BICD2: variants seen among roughly 807,000 people sequenced by gnomAD.
BICD2 encodes the protein protein bicaudal D homolog 2.
A neutral mutation model predicts 72.9 loss-of-function variants in BICD2; 25 were observed. That is an observed-to-expected ratio of 0.34 (90% CI 0.25 to 0.48). BICD2 has a LOEUF of 0.48. Ranked by LOEUF, BICD2 falls within the 20% of genes least tolerant of loss-of-function variation. BICD2 has a pLI of 0.99. For synonymous variants in BICD2, 501 were observed against 516.1 expected, an observed-to-expected ratio of 0.97 and a Z score of 0.40; for missense variants, 894 against 1,175.2, an observed-to-expected ratio of 0.76 and a Z score of 3.50.
intron 1 of BICD2, among the ~76,000 whole-genome samples, chr9:92,750,329 C>T (rs949117388): frequency 1.3e-5 from 2 of 152,134 alleles, no homozygotes; most frequent in Non-Finnish European, 2.9e-5. Context: ...ATTACCTGCA[C>T]TAGAACTTGT....
At chr9:92,758,696 C>CA (rs896670027) in intron 1 of BICD2, among the ~76,000 whole-genome samples, 6 of 150,256 alleles carry the variant, frequency 4.0e-5, no homozygotes, top group African/African-American at 7.4e-5. Context: ...ACTAAAAATA[C>CA]AAAAAAAATT....
At chr9:92,717,375 C>T (rs1020878191) in intron 6 of BICD2, among the ~76,000 whole-genome samples, 7 of 152,238 alleles carry the variant, frequency 4.6e-5, no homozygotes, top group Non-Finnish European at 1.0e-4. Context: ...GGAACCGGCG[C>T]CACAGAACCA....
At position 92,712,952 on chromosome 9, in the gene BICD2, C is replaced by G. The variant is rs1853221252; in HGVS notation, c.*2202G>C. On this transcript the variant is annotated 3_prime_UTR_variant, in exon 7 of 7. Coordinates refer to ENST00000356884, the MANE Select transcript of BICD2 (RefSeq NM_001003800.2). ...GCACTCATCTCCGAGTCTAAAGCTA[C>G]ACGCTATGGAGCACACAGCTCTGCC... 6.4e-6 allele frequency: 1 copy of G among 156,240 alleles called. No individual in the cohort carries two copies. The highest frequency in any genetic ancestry group is 6.3e-5 in the Admixed American group (1 of 15,974). The allele number at this position is 156,240 out of a possible 1,614,324, so 9.7% of individuals were successfully genotyped here.
At chr9:92,715,897 T>G (rs558838816) in intron 6 of BICD2, among the ~76,000 whole-genome samples, 2 of 152,122 alleles carry the variant, frequency 1.3e-5, no homozygotes, top group Non-Finnish European at 2.9e-5. Context: ...AGGGTGTGGA[T>G]GTAAATCTAA....
chr9:92,726,955 C>T (rs1853579350), intron 2 of BICD2, among the ~76,000 whole-genome samples: 1 of 152,184 alleles, frequency 6.6e-6, no homozygotes, highest in African/African-American at 2.4e-5. Flanking sequence ...ATGTGCTGGG[C>T]TGGGGAGACA....
Position 92,713,557 on chromosome 9 carries a change from G to C in BICD2, c.*1597C>G. 6.5e-7 allele frequency: 1 copy of C among 1,548,226 alleles called. No homozygotes were observed. The highest frequency in any genetic ancestry group is 1.4e-5 in the African/African-American group (1 of 73,210). On this transcript the variant is annotated 3_prime_UTR_variant, in exon 7 of 7. Coordinates refer to ENST00000356884, the MANE Select transcript of BICD2 (RefSeq NM_001003800.2). ...CTCTCCACGTGCTGGGAGGGCGCGA[G>C]CACGTTAGTTGGCAGAAGAGAAGAC...
intron 1 of BICD2, among the ~76,000 whole-genome samples, chr9:92,748,643 C>A (rs1444579753): frequency 1.3e-5 from 2 of 152,124 alleles, no homozygotes; most frequent in Non-Finnish European, 2.9e-5. Flanking sequence ...CTCACCATCC[C>A]CTCAGCCAGC....
At chr9:92,725,342 T>C (rs1229675897) in intron 2 of BICD2, among the ~76,000 whole-genome samples, 1 of 152,262 alleles carries the variant, frequency 6.6e-6, no homozygotes, top group African/African-American at 2.4e-5. Flanking sequence ...TGGGTGATGA[T>C]GGCACCATCT....
intron 1 of BICD2, among the ~76,000 whole-genome samples, chr9:92,736,642 T>C (rs1853793099): frequency 6.6e-6 from 1 of 152,244 alleles, no homozygotes; most frequent in Non-Finnish European, 1.5e-5. Context: ...TGCTTTCGCT[T>C]TACTCTATGG....
intron 1 of BICD2, among the ~76,000 whole-genome samples, chr9:92,737,377 C>T (rs766240258): frequency 6.6e-6 from 1 of 152,142 alleles, no homozygotes; most frequent in Non-Finnish European, 1.5e-5. Context: ...CACTGCCTTT[C>T]GGATGCCCAA....
At chr9:92,735,056 C>G (rs973608950) in intron 1 of BICD2, among the ~76,000 whole-genome samples, 1 of 152,238 alleles carries the variant, frequency 6.6e-6, no homozygotes, top group Non-Finnish European at 1.5e-5. Flanking sequence ...GTGCTTGACA[C>G]AAGCTCCCGG....
At chr9:92,761,449 T>A (rs1034022570) in intron 1 of BICD2, among the ~76,000 whole-genome samples, 1 of 152,214 alleles carries the variant, frequency 6.6e-6, no homozygotes, top group African/African-American at 2.4e-5. Flanking sequence ...CTTGACACTA[T>A]GACACCAAGG....
chr9:92,736,140 T>C (rs781401557), intron 1 of BICD2, among the ~76,000 whole-genome samples: 8 of 152,080 alleles, frequency 5.3e-5, no homozygotes, highest in Non-Finnish European at 1.0e-4. Context: ...TGGCACAAGA[T>C]ACAGGTCATA....
At chr9:92,743,084 G>A (rs1025333728) in intron 1 of BICD2, among the ~76,000 whole-genome samples, 1 of 152,170 alleles carries the variant, frequency 6.6e-6, no homozygotes, top group Non-Finnish European at 1.5e-5. Context: ...CATTTTATAT[G>A]TTCCCACTTG....
Position 92,757,312 on chromosome 9 carries a change from C to CAAAAAAAAAAAAAAAAAAAAA in BICD2, c.240+7172_240+7192dup, listed in dbSNP as rs1169381290. Among the ~76,000 whole-genome samples, 10 of 52,734 alleles carry CAAAAAAAAAAAAAAAAAAAAA rather than the reference C, an allele frequency of 1.9e-4. 1 individual carries two copies. The highest frequency in any genetic ancestry group is 3.7e-4 in the East Asian group (1 of 2,716). 34.6% of individuals were successfully genotyped at this position (52,734 alleles called of 152,430 possible). A position where few individuals can be genotyped will look rare whatever the true frequency, so the allele number is the denominator to read the frequency against. On this transcript the variant is annotated intron_variant, in intron 1 of 6. Transcript: ENST00000356884. Reference sequence around the variant, plus strand: ...CTGGGCGACAGAACGAGACTGTCTCCAAAAAAAAAAAAAAAAAAAAAAAAA... The same window carrying CAAAAAAAAAAAAAAAAAAAAA: ...CTGGGCGACAGAACGAGACTGTCTCCAAAAAAAAAAAAAAAAAAAAAAAAAAAAAAAAAAAAAAAAAAAAAA...
At chr9:92,717,629 G>A (rs1360790161) in intron 6 of BICD2, among the ~76,000 whole-genome samples, 168 bp downstream of exon 6, 1 of 152,250 alleles carries the variant, frequency 6.6e-6, no homozygotes, top group East Asian at 1.9e-4. Flanking sequence ...CAGGGGCCAT[G>A]CTTCCCCAAC....
intron 1 of BICD2, among the ~76,000 whole-genome samples, chr9:92,752,543 G>A (rs1220139301): frequency 6.6e-6 from 1 of 152,166 alleles, no homozygotes; most frequent in Non-Finnish European, 1.5e-5. Flanking sequence ...CAAGATAGGA[G>A]AAGTACATAA....
chr9:92,760,141 T>C (rs1284745076), intron 1 of BICD2, among the ~76,000 whole-genome samples: 1 of 152,004 alleles, frequency 6.6e-6, no homozygotes, highest in Non-Finnish European at 1.5e-5. Flanking sequence ...GTGGAGTCAG[T>C]ATGGAGTTCA....
At chr9:92,759,253 G>A (rs58654939) in intron 1 of BICD2, among the ~76,000 whole-genome samples, 93 of 152,254 alleles carry the variant, frequency 6.1e-4, no homozygotes, top group African/African-American at 2.2e-3. Context: ...GTTTGATGGT[G>A]TCTTGTACAC....
Sources: allele counts gnomAD v4.1 joint callset (sites outside exome capture counted in the v4.1 genomes callset), GRCh38; gene constraint gnomAD v4.1.1; transcripts MANE v1.5; gene names NCBI Gene and HGNC (gene_info 2026-07-23, HGNC 2026-07-21).